Variants in SORBS2 observed in about 807,000 individuals in gnomAD.
SORBS2 encodes sorbin and SH3 domain-containing protein 2.
Under a neutral mutation model 97.7 loss-of-function variants are expected in SORBS2, and 46 were observed. The ratio of observed to expected loss-of-function variants is 0.47; its 90% CI spans 0.37 to 0.60. SORBS2 has a LOEUF of 0.60. SORBS2 is among the 20% of genes least tolerant of loss of function. The pLI, the probability that SORBS2 is intolerant of heterozygous loss-of-function variation, is 0.00. For missense variants in SORBS2, 1,316 were observed against 1,282.3 expected, an observed-to-expected ratio of 1.03 and a Z score of -0.40; for synonymous variants, 476 against 473.4, an observed-to-expected ratio of 1.01 and a Z score of -0.07.
Position 185,718,057 on chromosome 4 carries a change from C to A in SORBS2, c.-197-39235G>T, listed in dbSNP as rs2098480660. Among the ~76,000 whole-genome samples, 8 of 152,014 alleles carry A rather than the reference C, an allele frequency of 5.3e-5. 1 individual carries two copies. In the South Asian group the frequency reaches 1.2e-3, roughly 24 times the overall value. ...AACAGCCTGGCCAACATGGTGCAAC[C>A]CCATCTCTACTACAAATACAAAAAT... On this transcript the variant is annotated intron_variant, in intron 2 of 20. Coordinates refer to the SORBS2 transcript ENST00000284776.
intron 4 of SORBS2, chr4:185,666,305 G>A: frequency 1.7e-6 from 1 of 572,332 alleles, no homozygotes; most frequent in Non-Finnish European, 2.8e-6. Context: ...GGTTTTATTT[G>A]CAAGCACTTT....
At chr4:185,713,001 C>T (rs1288780297) in intron 2 of SORBS2, among the ~76,000 whole-genome samples, 2 of 152,148 alleles carry the variant, frequency 1.3e-5, no homozygotes, top group African/African-American at 4.8e-5. Context: ...ACCTGCGTTC[C>T]ACTGTTCCCA....
intron 1 of SORBS2, among the ~76,000 whole-genome samples, chr4:185,851,113 T>C (rs2099217652): frequency 6.6e-6 from 1 of 152,214 alleles, no homozygotes; most frequent in Admixed American, 6.5e-5. Context: ...TAAATCTCCA[T>C]ATTTATGTAT....
chr4:185,891,514 T>G (rs2099242490), intron 1 of SORBS2, among the ~76,000 whole-genome samples: 1 of 152,212 alleles, frequency 6.6e-6, no homozygotes, highest in Non-Finnish European at 1.5e-5. Flanking sequence ...TTTCTGCAGA[T>G]AGCAACACTA....
rs542440416 is a variant in SORBS2 at position 185,932,616 on chromosome 4, C to G, written c.-338+23580G>C. 1.4e-3 allele frequency among the ~76,000 whole-genome samples: 207 copies of G among 152,250 alleles called. 1 individual carries two copies. Among genetic ancestry groups the G allele is most frequent in the African/African-American group, 4.8e-3 (201 of 41,556 alleles). ...ATTTTATGAGAAAATATGAAGAGAACAGAGAGTTGCCGGAATGCAATGTCA... is the reference window on the plus strand; with the variant it reads ...ATTTTATGAGAAAATATGAAGAGAAGAGAGAGTTGCCGGAATGCAATGTCA... On this transcript the variant is annotated intron_variant, in intron 1 of 20. Transcript: ENST00000284776.
intron 1 of SORBS2, among the ~76,000 whole-genome samples, chr4:185,785,558 A>G (rs1401455545): frequency 6.6e-6 from 1 of 152,212 alleles, no homozygotes; most frequent in African/African-American, 2.4e-5. Flanking sequence ...CTTACCCGCC[A>G]CCATCAAACC....
intron 2 of SORBS2, among the ~76,000 whole-genome samples, chr4:185,743,363 C>T (rs142771035): frequency 4.0e-4 from 61 of 152,186 alleles, no homozygotes; most frequent in East Asian, 1.4e-3. Context: ...ATTAATTTTG[C>T]GCAGATTTCC....
intron 1 of SORBS2, among the ~76,000 whole-genome samples, chr4:185,803,315 CA>C (rs1554022879): frequency 6.6e-6 from 1 of 151,382 alleles, no homozygotes; most frequent in Non-Finnish European, 1.5e-5. Flanking sequence ...ATACCAGAGC[CA>C]AAAAAAAGTG....
At chr4:185,675,059 C>G (rs565965731) in intron 4 of SORBS2, 2 of 152,320 alleles carry the variant, frequency 1.3e-5, no homozygotes, top group Non-Finnish European at 2.9e-5. Flanking sequence ...ATAAATATTT[C>G]TTGAATAAAT....
chr4:185,586,166 A>G (rs2095799533), exon 15 of SORBS2: 1 of 152,638 alleles, frequency 6.6e-6, no homozygotes, highest in African/African-American at 2.4e-5. Context: ...CATGAAAGAG[A>G]TGCCATAAAA....
intron 4 of SORBS2, among the ~76,000 whole-genome samples, chr4:185,633,245 G>A (rs1478296563): frequency 6.6e-6 from 1 of 152,136 alleles, no homozygotes; most frequent in Non-Finnish European, 1.5e-5. Context: ...CTAAGGTAAT[G>A]TCTAATCAAT....
chr4:185,639,004 G>A, intron 4 of SORBS2: 1 of 1,522,958 alleles, frequency 6.6e-7, no homozygotes, highest in African/African-American at 1.4e-5. Context: ...AGGTTCCCTT[G>A]GAACAGGTGT....
chr4:185,747,688 C>T (rs1473979442), intron 2 of SORBS2, among the ~76,000 whole-genome samples: 2 of 152,058 alleles, frequency 1.3e-5, no homozygotes, highest in South Asian at 2.1e-4. Context: ...TGCACTACTC[C>T]GTGCCTGGAG....
At chr4:185,742,633 A>G (rs34648690) in intron 2 of SORBS2, among the ~76,000 whole-genome samples, 21,737 of 152,214 alleles carry the variant, frequency 0.14, 1,784 homozygotes, top group South Asian at 0.21. Flanking sequence ...CTCACATGCC[A>G]TTAGCTGTTA....
chr4:185,873,898 C>T (rs1400852495), intron 1 of SORBS2, among the ~76,000 whole-genome samples: 1 of 151,770 alleles, frequency 6.6e-6, no homozygotes, highest in Non-Finnish European at 1.5e-5. Flanking sequence ...ATGTGATTTC[C>T]CCCTTATTTT....
chr4:185,759,827 A>G (rs914290029), intron 2 of SORBS2, among the ~76,000 whole-genome samples: 2 of 152,218 alleles, frequency 1.3e-5, no homozygotes, highest in East Asian at 1.9e-4. Context: ...TCATGGTCTT[A>G]TGTTACTAAT....
intron 1 of SORBS2, among the ~76,000 whole-genome samples, chr4:185,876,673 C>A (rs2099233865): frequency 6.6e-6 from 1 of 152,164 alleles, no homozygotes; most frequent in African/African-American, 2.4e-5. Flanking sequence ...TGAATGAGCC[C>A]TCTTTTTCTG....
At chr4:185,600,739 TAGAGGAG>T (rs1192887136) in intron 12 of SORBS2, among the ~76,000 whole-genome samples, 2 of 152,180 alleles carry the variant, frequency 1.3e-5, no homozygotes, top group African/African-American at 4.8e-5. Flanking sequence ...CAAGGTGAGA[TAGAGGAG>T]AATTTGGCTT....
At chr4:185,894,584 A>G (rs1467794091) in intron 1 of SORBS2, among the ~76,000 whole-genome samples, 1 of 152,172 alleles carries the variant, frequency 6.6e-6, no homozygotes, top group Admixed American at 6.5e-5. Context: ...GCCGTGTCAC[A>G]AGCACCCAGA....
Sources: gnomAD v4.1 joint callset for allele counts (sites outside exome capture counted in the v4.1 genomes callset) on GRCh38, gnomAD v4.1.1 for gene constraint, MANE v1.5 for transcripts, NCBI Gene and HGNC (gene_info 2026-07-23, HGNC 2026-07-21) for gene names.